DCC: variants seen among roughly 807,000 people sequenced by gnomAD.
DCC encodes DCC netrin 1 receptor.
In DCC, 58 loss-of-function variants were observed where a neutral mutation model predicts 172.5. The ratio of observed to expected loss-of-function variants is 0.34; its 90% CI spans 0.27 to 0.42. The LOEUF (loss-of-function observed/expected upper bound fraction) is 0.42, where lower values mean the gene tolerates loss of function less well. Ranked by LOEUF, DCC falls within the 10% of genes least tolerant of loss-of-function variation. DCC has a pLI of 1.00. For synonymous variants in DCC, 709 were observed against 644.5 expected, an observed-to-expected ratio of 1.10 and a Z score of -1.52; for missense variants, 1,740 against 1,791.0, an observed-to-expected ratio of 0.97 and a Z score of 0.51.
intron 1 of DCC, among the ~76,000 whole-genome samples, chr18:52,596,371 G>T (rs919687639): frequency 6.6e-6 from 1 of 152,134 alleles, no homozygotes; most frequent in Non-Finnish European, 1.5e-5. Context: ...GTTCAACAGT[G>T]GTCTCAGAGC....
intron 15 of DCC, among the ~76,000 whole-genome samples, chr18:53,351,353 A>ACT (rs2057799097): frequency 1.2e-4 from 6 of 51,534 alleles, no homozygotes; most frequent in African/African-American, 2.2e-4. Flanking sequence ...ATATATACAC[A>ACT]GTATATATAT....
chr18:53,132,712 G>C (rs553036946), intron 7 of DCC, among the ~76,000 whole-genome samples: 2 of 152,148 alleles, frequency 1.3e-5, no homozygotes, highest in African/African-American at 4.8e-5. Context: ...CACCTGTGGA[G>C]TAGCTGTTTA....
intron 7 of DCC, among the ~76,000 whole-genome samples, chr18:53,147,917 T>A (rs889517566): frequency 1.3e-5 from 2 of 152,110 alleles, no homozygotes; most frequent in Non-Finnish European, 2.9e-5. Flanking sequence ...CCTACAATGG[T>A]AAAAAGAGCT....
At chr18:52,684,143 A>G (rs547601929) in intron 1 of DCC, among the ~76,000 whole-genome samples, 1 of 152,060 alleles carries the variant, frequency 6.6e-6, no homozygotes, top group Admixed American at 6.6e-5. Flanking sequence ...CTGCCCATTT[A>G]TTAAAATATA....
At chr18:53,385,399 T>C (rs1319844677) in intron 15 of DCC, among the ~76,000 whole-genome samples, 1 of 152,218 alleles carries the variant, frequency 6.6e-6, no homozygotes, top group Non-Finnish European at 1.5e-5. Context: ...GGATACAGAC[T>C]GAAAACTATG....
intron 7 of DCC, among the ~76,000 whole-genome samples, chr18:53,079,857 A>G (rs1475416941): frequency 3.9e-5 from 6 of 152,176 alleles, no homozygotes; most frequent in African/African-American, 1.4e-4. Flanking sequence ...AAAAGTATGT[A>G]TTCAGTGAAT....
intron 1 of DCC, among the ~76,000 whole-genome samples, chr18:52,495,042 G>T (rs961269003): frequency 1.3e-5 from 2 of 152,024 alleles, no homozygotes; most frequent in African/African-American, 4.8e-5. Context: ...ATTCACCTTT[G>T]TTTCTAGGAT....
intron 13 of DCC, among the ~76,000 whole-genome samples, chr18:53,312,666 G>A (rs1013494692): frequency 1.3e-5 from 2 of 150,404 alleles, no homozygotes; most frequent in Admixed American, 6.6e-5. Context: ...AAAATTAGCC[G>A]GGCGTCGTGG....
chr18:53,302,130 G>A (rs1408232439), intron 12 of DCC, among the ~76,000 whole-genome samples: 1 of 151,994 alleles, frequency 6.6e-6, no homozygotes, highest in Non-Finnish European at 1.5e-5. Context: ...TCATATTTAA[G>A]ACCTACCCTC....
At chr18:52,357,653 C>T (rs8088453) in intron 1 of DCC, among the ~76,000 whole-genome samples, 14,864 of 152,054 alleles carry the variant, frequency 0.098, 1,167 homozygotes, top group African/African-American at 0.22. Context: ...GACTTCCTTC[C>T]GAAGACTATG....
At position 53,486,884 on chromosome 18, in the gene DCC, C is replaced by T. The variant is rs779572042; in HGVS notation, c.3824C>T (p.Pro1275Leu). The T allele has an allele frequency of 6.8e-6, 11 of 1,614,044 alleles. No individual in the cohort carries two copies. Among genetic ancestry groups the T allele is most frequent in the African/African-American group, 2.7e-5 (2 of 74,900 alleles). ...TCTCCCACCTGTGGATATCCCCACC[C>T]GCAGTTCACTCTCCGGCCTGTGCCA... ...LPSPTCGYPHPQFTLRPVPFP... is the reference protein window; with the variant it reads ...LPSPTCGYPHLQFTLRPVPFP... The change falls in exon 26 of 29, where the codon CCG becomes CTG. Residue 1275 changes from proline (P) to leucine (L), a missense_variant. Physicochemically the swap from Pro to Leu is moderately conservative, Grantham distance 98 (BLOSUM62 -3). Around this residue, in one of 2 missense-constraint regions of DCC, gnomAD observed 1,732 missense variants for 1,767.4 expected, o/e 0.98. Transcript: ENST00000442544.
chr18:52,913,285 A>C (rs531007073), intron 3 of DCC, among the ~76,000 whole-genome samples: 1 of 152,106 alleles, frequency 6.6e-6, no homozygotes, highest in Non-Finnish European at 1.5e-5. Context: ...TAATATGTTG[A>C]TAAGCCTAAC....
chr18:52,934,478 G>T (rs566465295), intron 5 of DCC, among the ~76,000 whole-genome samples: 415 of 152,144 alleles, frequency 2.7e-3, no homozygotes, highest in African/African-American at 9.7e-3. Context: ...CAAACCCTTA[G>T]ATTTTTATCT....
intron 2 of DCC, among the ~76,000 whole-genome samples, chr18:52,894,871 A>G (rs2039705827): frequency 6.6e-6 from 1 of 152,150 alleles, no homozygotes; most frequent in Non-Finnish European, 1.5e-5. Flanking sequence ...CAGTCTATTG[A>G]TTTAAATTTT....
chr18:52,905,165 T>C (rs1242530421), intron 2 of DCC, among the ~76,000 whole-genome samples: 6 of 152,224 alleles, frequency 3.9e-5, no homozygotes, highest in East Asian at 1.9e-4. Flanking sequence ...TTGTATGTAA[T>C]GGCCAGTTTA....
chr18:52,852,481 A>G (rs938124052), intron 2 of DCC, among the ~76,000 whole-genome samples: 3 of 152,186 alleles, frequency 2.0e-5, no homozygotes, highest in African/African-American at 7.2e-5. Context: ...CTGAGCAGCC[A>G]ATATACTTTA....
chr18:53,370,494 T>G lies in DCC; in HGVS notation c.2360-15549T>G, dbSNP rs141708300. On this transcript the variant is annotated intron_variant, in intron 15 of 28. Coordinates refer to ENST00000442544, the MANE Select transcript of DCC (RefSeq NM_005215.4). ...CCTTCTAGCTTTGGATTTAGTTTAT[T>G]ATTTTTTAATTTAAGCATTTACAGC... Among the ~76,000 whole-genome samples, 56 of 151,942 alleles carry G rather than the reference T, an allele frequency of 3.7e-4. No homozygotes were observed. In the East Asian group the frequency reaches 0.01, roughly 27 times the overall value.
At chr18:52,572,944 G>A (rs1437122926) in intron 1 of DCC, among the ~76,000 whole-genome samples, 1 of 152,268 alleles carries the variant, frequency 6.6e-6, no homozygotes, top group Non-Finnish European at 1.5e-5. Flanking sequence ...GTAAACAAAT[G>A]CTTCACATTA....
chr18:52,963,188 A>G (rs1478134625), intron 5 of DCC, among the ~76,000 whole-genome samples: 2 of 151,868 alleles, frequency 1.3e-5, no homozygotes, highest in Non-Finnish European at 2.9e-5. Context: ...TCTCAATTCC[A>G]TTTTTAAAAT....
Sources: allele counts gnomAD v4.1 joint callset (sites outside exome capture counted in the v4.1 genomes callset), GRCh38; gene constraint gnomAD v4.1.1; regional missense constraint gnomAD v4.1.1; transcripts MANE v1.5; gene names NCBI Gene and HGNC (gene_info 2026-07-23, HGNC 2026-07-21).